OPCML: variants seen among roughly 807,000 people sequenced by gnomAD.
The protein encoded by OPCML is opioid-binding protein/cell adhesion molecule.
Under a neutral mutation model 37.8 loss-of-function variants are expected in OPCML, and 13 were observed. The ratio of observed to expected loss-of-function variants is 0.34; its 90% CI spans 0.22 to 0.55. The LOEUF (loss-of-function observed/expected upper bound fraction) is 0.55. Among genes scored for constraint, OPCML ranks in the 20% least tolerant of loss-of-function variants. OPCML has a pLI of 0.91. For missense variants in OPCML, 341 were observed against 435.6 expected (o/e 0.78, Z 1.93); for synonymous variants, 176 against 168.8 (o/e 1.04, Z -0.33).
chr11:132,447,902 T>C (rs1334085712), intron 4 of OPCML, among the ~76,000 whole-genome samples: 1 of 152,244 alleles, frequency 6.6e-6, no homozygotes, highest in Admixed American at 6.5e-5. Flanking sequence ...TCCAGGCTCA[T>C]CAGCTATACT....
chr11:133,167,225 G>T (rs1271053447), intron 1 of OPCML, among the ~76,000 whole-genome samples: 1 of 151,996 alleles, frequency 6.6e-6, no homozygotes, highest in Admixed American at 6.6e-5. Flanking sequence ...TTGGGTCTTT[G>T]CTTCCCTCAT....
intron 1 of OPCML, among the ~76,000 whole-genome samples, chr11:133,073,853 C>CT (rs1487856084): frequency 6.6e-6 from 1 of 152,142 alleles, no homozygotes; most frequent in African/African-American, 2.4e-5. Flanking sequence ...CACAAGACCC[C>CT]TTAAAAGAAG....
chr11:132,815,347 A>G (rs2136234516), intron 2 of OPCML, among the ~76,000 whole-genome samples: 1 of 152,248 alleles, frequency 6.6e-6, no homozygotes, highest in African/African-American at 2.4e-5. Context: ...GATGGCAGGG[A>G]CCTCCTGTGA....
chr11:132,824,486 T>C (rs1940183288), intron 2 of OPCML, among the ~76,000 whole-genome samples: 1 of 152,170 alleles, frequency 6.6e-6, no homozygotes, highest in South Asian at 2.1e-4. Flanking sequence ...CTTTTTATCA[T>C]CTCATTTTTT....
intron 7 of OPCML, among the ~76,000 whole-genome samples, chr11:132,428,591 G>A (rs1007578963): frequency 6.6e-6 from 1 of 152,170 alleles, no homozygotes; most frequent in East Asian, 1.9e-4. Flanking sequence ...GCACAAGCCT[G>A]CCTCTGAGAC....
At chr11:133,321,718 A>G (rs1240216890) in intron 1 of OPCML, among the ~76,000 whole-genome samples, 1 of 152,178 alleles carries the variant, frequency 6.6e-6, no homozygotes, top group Non-Finnish European at 1.5e-5. Context: ...CACATTAGCT[A>G]TTGACCCTAC....
At position 133,400,539 on chromosome 11, in the gene OPCML, G is replaced by A. The variant is rs558416394; in HGVS notation, c.61+131725C>T. Among the ~76,000 whole-genome samples, 9 of 152,292 alleles carry A rather than the reference G, an allele frequency of 5.9e-5. No individual in the cohort carries two copies. In the East Asian group the frequency reaches 1.7e-3, roughly 29 times the overall value. On this transcript the variant is annotated intron_variant, in intron 1 of 7. Transcript: ENST00000524381. ...CTAAAAACAACGCTTTGCAGTTCTG[G>A]AGGTAGATGGTGATAATGGTTGTAC... is the stretch of plus-strand genomic sequence containing the variant.
At chr11:132,944,179 A>G (rs950150064) in intron 1 of OPCML, among the ~76,000 whole-genome samples, 21 of 145,320 alleles carry the variant, frequency 1.4e-4, no homozygotes, top group African/African-American at 5.2e-4. Context: ...GGCTTCCCCT[A>G]CAGAGGGGCG....
chr11:133,366,848 T>C (rs1944551049), intron 1 of OPCML, among the ~76,000 whole-genome samples: 1 of 152,202 alleles, frequency 6.6e-6, no homozygotes, highest in Non-Finnish European at 1.5e-5. Flanking sequence ...CCAGCCACAC[T>C]TTGATGCCTA....
chr11:132,755,981 G>A (rs1056653178), intron 2 of OPCML, among the ~76,000 whole-genome samples: 5 of 152,104 alleles, frequency 3.3e-5, no homozygotes, highest in African/African-American at 4.8e-5. Context: ...GAAAATGCAG[G>A]AAACACCATG....
At chr11:133,084,291 C>T (rs1321944004) in intron 1 of OPCML, among the ~76,000 whole-genome samples, 1 of 152,202 alleles carries the variant, frequency 6.6e-6, no homozygotes, top group Admixed American at 6.5e-5. Context: ...GCCTTGCACA[C>T]CCTGCGCACT....
chr11:133,009,750 G>A (rs1341949232), intron 1 of OPCML, among the ~76,000 whole-genome samples: 1 of 152,192 alleles, frequency 6.6e-6, no homozygotes, highest in Non-Finnish European at 1.5e-5. Flanking sequence ...GCTCCTATGA[G>A]AATCTAATGC....
At chr11:132,884,781 G>T (rs2136440102) in intron 2 of OPCML, among the ~76,000 whole-genome samples, 1 of 152,270 alleles carries the variant, frequency 6.6e-6, no homozygotes, top group Admixed American at 6.5e-5. Context: ...TTACCAAATT[G>T]GTTTTACTAA....
At chr11:133,165,019 A>G (rs1950190950) in intron 1 of OPCML, among the ~76,000 whole-genome samples, 1 of 152,232 alleles carries the variant, frequency 6.6e-6, no homozygotes, top group African/African-American at 2.4e-5. Flanking sequence ...AATGAACTAG[A>G]AACCCATGGA....
At chr11:133,252,357 A>G (rs970109946) in intron 1 of OPCML, among the ~76,000 whole-genome samples, 1 of 152,208 alleles carries the variant, frequency 6.6e-6, no homozygotes, top group Non-Finnish European at 1.5e-5. Context: ...AGCTTCGGGT[A>G]AAGTATTCTA....
chr11:133,082,693 C>T (rs1948751622), intron 1 of OPCML, among the ~76,000 whole-genome samples: 1 of 134,338 alleles, frequency 7.4e-6, no homozygotes, highest in Non-Finnish European at 1.6e-5. Context: ...AGCTACGAAG[C>T]CGGGCGAGGG....
Position 133,008,414 on chromosome 11 carries a change from C to T in OPCML, c.62-65404G>A, listed in dbSNP as rs934297523. 72 of 985,192 alleles carry T rather than the reference C, an allele frequency of 7.3e-5. No individual in the cohort carries two copies. In the Middle Eastern group the frequency reaches 1.6e-3, roughly 21 times the overall value. The allele number at this position is 985,192 out of a possible 1,614,324, so 61.0% of individuals were successfully genotyped here. A position where few individuals can be genotyped will look rare whatever the true frequency, so the allele number is the denominator to read the frequency against. ...CATCCGAGATTGTGCTCAGGAGGTC[C>T]TTTTCTGATTTTTTTCTTTTTCTGA... is the stretch of plus-strand genomic sequence containing the variant. On this transcript the variant is annotated intron_variant, in intron 1 of 7. Coordinates refer to ENST00000524381, the MANE Select transcript of OPCML (RefSeq NM_001012393.5).
rs2095952039 is a variant in OPCML at position 132,420,006 on chromosome 11, C to T, written c.*187G>A. ...ACGTGGTAGAACCCTGCCCACCCCG[C>T]CCCCAACCCCACTCATTCAAGCTGG... On this transcript the variant is annotated 3_prime_UTR_variant, in exon 8 of 8. Transcript: ENST00000524381. The T allele has an allele frequency of 4.8e-6, 2 of 413,976 alleles. No individual in the cohort carries two copies. The highest frequency in any genetic ancestry group is 4.1e-5 in the African/African-American group (2 of 48,314). The allele number at this position is 413,976 out of a possible 1,614,324, so 25.6% of individuals were successfully genotyped here. A position where few individuals can be genotyped will look rare whatever the true frequency, so the allele number is the denominator to read the frequency against.
chr11:133,516,840 T>C (rs556237755), intron 1 of OPCML, among the ~76,000 whole-genome samples: 2 of 152,324 alleles, frequency 1.3e-5, no homozygotes, highest in South Asian at 4.1e-4. Flanking sequence ...TTATTTTTTA[T>C]ATAAACAACA....
Sources: gnomAD v4.1 joint callset for allele counts (sites outside exome capture counted in the v4.1 genomes callset) on GRCh38, gnomAD v4.1.1 for gene constraint, MANE v1.5 for transcripts, NCBI Gene and HGNC (gene_info 2026-07-23, HGNC 2026-07-21) for gene names.